IL5: variants seen among roughly 807,000 people sequenced by gnomAD.
IL5 encodes the protein interleukin-5.
Under a neutral mutation model 16.3 loss-of-function variants are expected in IL5, and 12 were observed. That is an observed-to-expected ratio of 0.74 (90% CI 0.47 to 1.20). The LOEUF (loss-of-function observed/expected upper bound fraction) is 1.20, where lower values mean the gene tolerates loss of function less well. Ranked by LOEUF, IL5 falls within the 50% of genes most tolerant of loss-of-function variation. The pLI is 0.00. For missense variants in IL5, 159 were observed against 153.9 expected (o/e 1.03, Z -0.17); for synonymous variants, 54 against 56.6 (o/e 0.95, Z 0.21).
Position 132,552,102 on chromosome 5 carries a change from C to T in IL5, c.42+4572G>A, listed in dbSNP as rs11741758. On this transcript the variant is annotated intron_variant, in intron 1 of 2. Coordinates refer to the IL5 transcript ENST00000450655. The stretch of plus-strand genomic sequence containing the variant: ...TGGCCAACATAGTGAAACCCCGTCT[C>T]TACTAAAAATACAAAAATTAGCTGG... 3.3e-5 allele frequency among the ~76,000 whole-genome samples: 5 copies of T among 152,234 alleles called. No individual in the cohort carries two copies. The East Asian group carries it at 9.7e-4, about 29-fold the overall frequency.
upstream of IL5, among the ~76,000 whole-genome samples, chr5:132,547,237 A>G (rs180789574): frequency 2.0e-5 from 3 of 152,322 alleles, no homozygotes; most frequent in East Asian, 5.8e-4. Flanking sequence ...ATAACTTCAC[A>G]GTGGAGAAAC....
intron 1 of IL5, among the ~76,000 whole-genome samples, chr5:132,548,772 C>A (rs1749835713): frequency 6.6e-6 from 1 of 152,190 alleles, no homozygotes; most frequent in Non-Finnish European, 1.5e-5. Context: ...CAACCTTCAA[C>A]TGGAATAGTT....
intron 1 of IL5, among the ~76,000 whole-genome samples, chr5:132,550,426 C>T (rs1376150562): frequency 6.6e-6 from 1 of 151,384 alleles, no homozygotes; most frequent in Non-Finnish European, 1.5e-5. Flanking sequence ...TGGGTTCAAG[C>T]GATTCTCCTG....
At chr5:132,542,435 C>T (rs2067070) in intron 2 of IL5, among the ~76,000 whole-genome samples, 3,364 of 151,976 alleles carry the variant, frequency 0.022, 111 homozygotes, top group African/African-American at 0.072. Flanking sequence ...GTAGATGAAG[C>T]TTATATGATT....
chr5:132,541,729 G>T lies in IL5; in HGVS notation c.*82C>A. On this transcript the variant is annotated 3_prime_UTR_variant, in exon 4 of 4. Transcript: ENST00000231454. ...TAAATTATACTGAAAATTAAGGCCT[G>T]ACTCTTTCTTGGCCCTCATTCTCAC... The T allele has an allele frequency of 1.2e-6, 1 of 800,650 alleles. No homozygotes were observed. The highest frequency in any genetic ancestry group is 2.1e-6 in the Non-Finnish European group (1 of 483,692). The allele number at this position is 800,650 out of a possible 1,614,324, so 49.6% of individuals were successfully genotyped here. A position where few individuals can be genotyped will look rare whatever the true frequency, so the allele number is the denominator to read the frequency against.
At chr5:132,550,869 T>C (rs1292954246) in intron 1 of IL5, among the ~76,000 whole-genome samples, 4 of 152,176 alleles carry the variant, frequency 2.6e-5, no homozygotes, top group African/African-American at 9.7e-5. Flanking sequence ...ATAATGCTGG[T>C]TTAAAAATAA....
chr5:132,543,306 C>G (rs752121509), intron 1 of IL5, 29 bp downstream of exon 1: 2 of 1,595,178 alleles, frequency 1.3e-6, no homozygotes, highest in African/African-American at 2.7e-5. Context: ...ATGCACTTTA[C>G]AGACTGTAGG....
At chr5:132,551,139 C>T (rs764267583) in intron 1 of IL5, among the ~76,000 whole-genome samples, 2 of 152,072 alleles carry the variant, frequency 1.3e-5, no homozygotes, top group Non-Finnish European at 2.9e-5. Flanking sequence ...CTTGGATATT[C>T]TACAAAGCAG....
intron 1 of IL5, among the ~76,000 whole-genome samples, chr5:132,549,646 C>T (rs531081564): frequency 8.6e-4 from 131 of 152,192 alleles, no homozygotes; most frequent in African/African-American, 3.0e-3. Context: ...CATCCTTTTG[C>T]CCTAAAACTT....
intron 1 of IL5, among the ~76,000 whole-genome samples, chr5:132,549,754 G>A (rs1749853276): frequency 6.6e-6 from 1 of 152,152 alleles, no homozygotes; most frequent in Admixed American, 6.5e-5. Flanking sequence ...ACTTTTCCAT[G>A]AACTGATTCT....
chr5:132,554,401 T>G (rs1298735319), intron 1 of IL5, among the ~76,000 whole-genome samples: 1 of 146,508 alleles, frequency 6.8e-6, no homozygotes, highest in Non-Finnish European at 1.5e-5. Flanking sequence ...TCCACTTGAA[T>G]AGTCAATTAT....
upstream of IL5, among the ~76,000 whole-genome samples, chr5:132,545,104 C>T (rs568535552): frequency 7.2e-5 from 11 of 152,166 alleles, no homozygotes; most frequent in East Asian, 5.8e-4. Flanking sequence ...GAAAATCTAT[C>T]GGGAGTGAGA....
chr5:132,542,112 C>T lies in IL5; in HGVS notation c.209G>A (p.Gly70Glu). 2.5e-6 allele frequency: 4 copies of T among 1,613,076 alleles called. No homozygotes were observed. The highest frequency in any genetic ancestry group is 3.4e-6 in the Non-Finnish European group (4 of 1,179,452). The change falls in exon 3 of 4, where the codon GGA (glycine) becomes GAA (glutamate). Residue 70 changes from glycine to glutamate, a missense_variant. Gly to Glu is a moderately conservative substitution (Grantham distance 98, BLOSUM62 -2). Coordinates refer to ENST00000231454, the MANE Select transcript of IL5 (RefSeq NM_000879.3). ...AGTTTGACTCTCCAGTGTGCCTATTCCCTGAAAGATTTCTTCAGTGCACAG... is the reference window on the plus strand; with the variant it reads ...AGTTTGACTCTCCAGTGTGCCTATTTCCTGAAAGATTTCTTCAGTGCACAG... ...HQLCTEEIFQ[G>E]IGTLESQTVQ...
chr5:132,543,189 A>C (rs1749726849), intron 1 of IL5, 63 bp from the exon 2 acceptor site: 16 of 1,515,418 alleles, frequency 1.1e-5, no homozygotes, highest in African/African-American at 1.4e-5. Flanking sequence ...TTTTAACAGA[A>C]TGTTTGCTGG....
chr5:132,548,750 T>C (rs561055728), intron 1 of IL5, among the ~76,000 whole-genome samples: 43 of 152,316 alleles, frequency 2.8e-4, no homozygotes, highest in African/African-American at 1.0e-3. Flanking sequence ...CGGGATAAAC[T>C]CCAGCCATCT....
At chr5:132,556,274 A>T (rs560646728) in intron 1 of IL5, 4 of 152,306 alleles carry the variant, frequency 2.6e-5, no homozygotes, top group African/African-American at 9.6e-5. Flanking sequence ...GTTTCCAAGA[A>T]AGCAATATTC....
In IL5 at chr5:132,543,424, C is replaced by T; in HGVS notation, c.55G>A (p.Ala19Thr). The change falls in exon 1 of 4, where the codon GCC (alanine) becomes ACC (threonine). Residue 19 changes from alanine to threonine, a missense_variant. Transcript: ENST00000231454. ...LLALGAAYVY[A>T]IPTEIPTSAL... is the part of the protein sequence containing the mutation. ...CTTGTGGGAATTTCTGTGGGGATGG[C>T]ATACACGTAGGCAGCTCCAAGAGCT... 6.2e-7 allele frequency: 1 copy of T among 1,614,136 alleles called. No homozygotes were observed. Among genetic ancestry groups the T allele is most frequent in the Non-Finnish European group, 8.5e-7 (1 of 1,179,982 alleles).
intron 1 of IL5, among the ~76,000 whole-genome samples, chr5:132,552,704 ATAT>A (rs1245376524): frequency 1.8e-4 from 28 of 152,200 alleles, no homozygotes; most frequent in African/African-American, 6.0e-4. Context: ...ACATAGCAAA[ATAT>A]TATCACACCA....
chr5:132,543,601 G>T, upstream of IL5: 1 of 889,356 alleles, frequency 1.1e-6, no homozygotes, highest in Non-Finnish European at 1.6e-6. Flanking sequence ...GATAGAGAAT[G>T]CCTAATAATG....
Sources: allele counts gnomAD v4.1 joint callset (sites outside exome capture counted in the v4.1 genomes callset), GRCh38; gene constraint gnomAD v4.1.1; transcripts MANE v1.5; gene names NCBI Gene and HGNC (gene_info 2026-07-23, HGNC 2026-07-21).